HIBADH: variants seen among roughly 807,000 people sequenced by gnomAD.
HIBADH encodes the protein 3-hydroxyisobutyrate dehydrogenase, mitochondrial.
A neutral mutation model predicts 36.1 loss-of-function variants in HIBADH; 25 were observed. The observed-to-expected ratio is 0.69, with a 90% confidence interval of 0.50 to 0.97. The LOEUF is 0.97. Among genes scored for constraint, HIBADH ranks in the 50% least tolerant of loss-of-function variants. The pLI is 0.00. For synonymous variants in HIBADH, 160 were observed against 149.5 expected, an observed-to-expected ratio of 1.07 and a Z score of -0.51; for missense variants, 421 against 418.0, an observed-to-expected ratio of 1.01 and a Z score of -0.06.
intron 6 of HIBADH, among the ~76,000 whole-genome samples, chr7:27,533,916 C>G (rs1453640342): frequency 6.6e-6 from 1 of 152,150 alleles, no homozygotes. Context: ...ACAGCTCAAG[C>G]CATCAAAAGA....
intron 4 of HIBADH, among the ~76,000 whole-genome samples, chr7:27,619,454 T>C (rs1785498567): frequency 6.6e-6 from 1 of 152,192 alleles, no homozygotes; most frequent in African/African-American, 2.4e-5. Flanking sequence ...TCTACAACAA[T>C]ATATTTTAAT....
chr7:27,570,994 A>T (rs1187947957), intron 4 of HIBADH, among the ~76,000 whole-genome samples: 3 of 152,086 alleles, frequency 2.0e-5, no homozygotes, highest in Non-Finnish European at 4.4e-5. Context: ...TGCATGCATA[A>T]CTTTTTCTTT....
intron 4 of HIBADH, among the ~76,000 whole-genome samples, chr7:27,570,528 C>T (rs977200357): frequency 2.6e-5 from 4 of 152,068 alleles, no homozygotes; most frequent in African/African-American, 9.7e-5. Context: ...TTACCTAGGG[C>T]TGAGGAAGGA....
chr7:27,564,051 A>AC (rs1219794677), intron 4 of HIBADH, among the ~76,000 whole-genome samples: 1 of 152,028 alleles, frequency 6.6e-6, no homozygotes, highest in Non-Finnish European at 1.5e-5. Flanking sequence ...GGCACCTGCC[A>AC]CCACACCCAG....
rs34698857 is a variant in HIBADH at position 27,610,593 on chromosome 7, C to A, written c.484+18778G>T. Reference sequence around the variant, plus strand: ...ATCACATACAAGACTACTGTATAATCGAAGCACTTGTGAGAGTATCAAAAA... The same window carrying A: ...ATCACATACAAGACTACTGTATAATAGAAGCACTTGTGAGAGTATCAAAAA... On this transcript the variant is annotated intron_variant, in intron 4 of 7. Transcript: ENST00000265395. 2.0e-5 allele frequency among the ~76,000 whole-genome samples: 3 copies of A among 152,020 alleles called. No homozygotes were observed. In the East Asian group the frequency reaches 5.8e-4, roughly 29 times the overall value.
intron 4 of HIBADH, among the ~76,000 whole-genome samples, chr7:27,627,754 A>T (rs1217627590): frequency 6.6e-6 from 1 of 152,176 alleles, no homozygotes; most frequent in Admixed American, 6.5e-5. Flanking sequence ...AATTACCACA[A>T]ATCATCCCTG....
At chr7:27,530,671 A>T (rs1783982247) in intron 7 of HIBADH, among the ~76,000 whole-genome samples, 1 of 151,986 alleles carries the variant, frequency 6.6e-6, no homozygotes, top group South Asian at 2.1e-4. Flanking sequence ...GATCTCAAAT[A>T]AGAGAAGGAT....
At chr7:27,658,705 T>C (rs542315029) in intron 1 of HIBADH, among the ~76,000 whole-genome samples, 1 of 152,344 alleles carries the variant, frequency 6.6e-6, no homozygotes, top group South Asian at 2.1e-4. Context: ...TTGCATGGAC[T>C]TTCAGTCTTT....
chr7:27,641,542 C>T (rs1785961731), intron 2 of HIBADH, among the ~76,000 whole-genome samples: 2 of 152,148 alleles, frequency 1.3e-5, no homozygotes, highest in Non-Finnish European at 2.9e-5. Context: ...CATCCCAAGT[C>T]GTGTCTTGGC....
intron 7 of HIBADH, among the ~76,000 whole-genome samples, chr7:27,527,917 C>CTTTTTTTTTTT (rs1562609863): frequency 0.011 from 816 of 76,970 alleles, 297 homozygotes; most frequent in African/African-American, 0.026. Context: ...CCACACCCAG[C>CTTTTTTTTTTT]GTTTTTTTTT....
chr7:27,656,110 A>C (rs1176648901), intron 1 of HIBADH, among the ~76,000 whole-genome samples: 2 of 152,192 alleles, frequency 1.3e-5, no homozygotes, highest in Non-Finnish European at 2.9e-5. Context: ...TTTGTGAGCC[A>C]TTGTGAAATG....
chr7:27,551,728 G>C (rs982675481), intron 4 of HIBADH, among the ~76,000 whole-genome samples: 4 of 152,172 alleles, frequency 2.6e-5, no homozygotes, highest in African/African-American at 9.7e-5. Flanking sequence ...AATTATATTT[G>C]TCTTTAATAC....
At chr7:27,605,300 A>C (rs1188291852) in intron 4 of HIBADH, among the ~76,000 whole-genome samples, 2 of 152,086 alleles carry the variant, frequency 1.3e-5, no homozygotes, top group Non-Finnish European at 1.5e-5. Flanking sequence ...ACAGTACAGG[A>C]AACTCAAGAA....
chr7:27,644,599 CAAA>C (rs57443714), intron 2 of HIBADH, among the ~76,000 whole-genome samples: 15 of 112,680 alleles, frequency 1.3e-4, no homozygotes, highest in Admixed American at 2.9e-4. Context: ...GACTCCATCT[CAAA>C]AAAAAAAAAA....
intron 4 of HIBADH, among the ~76,000 whole-genome samples, chr7:27,543,734 C>T (rs1784194045): frequency 6.6e-6 from 1 of 152,102 alleles, no homozygotes; most frequent in Non-Finnish European, 1.5e-5. Flanking sequence ...TTCCTTCCTG[C>T]TATACATCTT....
chr7:27,648,013 A>G (rs1326067626), intron 2 of HIBADH, among the ~76,000 whole-genome samples: 4 of 152,234 alleles, frequency 2.6e-5, no homozygotes, highest in Non-Finnish European at 4.4e-5. Context: ...TTTAGAGATC[A>G]AGTACCCTTG....
chr7:27,619,023 A>G (rs1785488349), intron 4 of HIBADH, among the ~76,000 whole-genome samples: 1 of 152,106 alleles, frequency 6.6e-6, no homozygotes, highest in Non-Finnish European at 1.5e-5. Context: ...ACTTGGGGAG[A>G]CAAATATCCA....
chr7:27,585,096 T>C (rs1046908195), intron 4 of HIBADH, among the ~76,000 whole-genome samples: 3 of 152,020 alleles, frequency 2.0e-5, no homozygotes, highest in Non-Finnish European at 2.9e-5. Context: ...CATAAATTAC[T>C]AGGTAAATTT....
chr7:27,643,469 CACTT>C (rs756748255), intron 2 of HIBADH, among the ~76,000 whole-genome samples: 8 of 152,166 alleles, frequency 5.3e-5, no homozygotes, highest in East Asian at 1.9e-4. Flanking sequence ...ATAATTAACT[CACTT>C]AATCCCTATA....
Sources: gnomAD v4.1 joint callset for allele counts (sites outside exome capture counted in the v4.1 genomes callset) on GRCh38, gnomAD v4.1.1 for gene constraint, MANE v1.5 for transcripts, NCBI Gene and HGNC (gene_info 2026-07-23, HGNC 2026-07-21) for gene names.